NAV2: variants seen among roughly 807,000 people sequenced by gnomAD.
The protein encoded by NAV2 is neuron navigator 2.
Under a neutral mutation model 223.2 loss-of-function variants are expected in NAV2, and 54 were observed. The ratio of observed to expected loss-of-function variants is 0.24; its 90% CI spans 0.19 to 0.30. The LOEUF (loss-of-function observed/expected upper bound fraction) is 0.30. NAV2 is among the 10% of genes least tolerant of loss of function. NAV2 has a pLI of 1.00. For missense variants in NAV2, 2,806 were observed against 3,147.5 expected, an observed-to-expected ratio of 0.89 and a Z score of 2.60; for synonymous variants, 1,279 against 1,239.3, an observed-to-expected ratio of 1.03 and a Z score of -0.67.
chr11:19,615,916 G>T (rs1279727857), intron 1 of NAV2, among the ~76,000 whole-genome samples: 1 of 152,146 alleles, frequency 6.6e-6, no homozygotes, highest in African/African-American at 2.4e-5. Flanking sequence ...CTGTTGGGGG[G>T]ATCCTGACCT....
intron 32 of NAV2, 111 bp from the exon 33 acceptor site, chr11:20,103,144 G>A (rs887812653): frequency 1.9e-6 from 2 of 1,029,208 alleles, no homozygotes; most frequent in African/African-American, 3.2e-5. Context: ...GCAGAATCAT[G>A]AAGGGCCTTT....
chr11:19,459,409 C>T (rs1852075407), intron 1 of NAV2, among the ~76,000 whole-genome samples: 1 of 152,214 alleles, frequency 6.6e-6, no homozygotes, highest in Non-Finnish European at 1.5e-5. Flanking sequence ...CTGGGATTAG[C>T]TCTGAGTGGA....
rs781430628 is a variant in NAV2, at chr11:20,103,341, C to T, written c.6504C>T (p.Asp2168=). Residue 2168 remains aspartate, a synonymous_variant, in exon 33 of 38, where the codon GAC becomes GAT. Coordinates refer to ENST00000349880, the MANE Select transcript of NAV2 (RefSeq NM_145117.5). ...AVDMPLVIIL[D]NLHHVSSLGE... The stretch of plus-strand genomic sequence containing the variant: ...ACATGCCCCTCGTCATCATCCTGGA[C>T]AACCTACACCACGTGAGCTCTCTGG... The T allele has an allele frequency of 2.5e-6, 4 of 1,614,200 alleles. No homozygotes were observed. In the Admixed American group the frequency reaches 5.0e-5, roughly 20 times the overall value.
chr11:19,906,410 G>A (rs1463193955), intron 6 of NAV2, among the ~76,000 whole-genome samples: 5 of 152,140 alleles, frequency 3.3e-5, no homozygotes, highest in South Asian at 2.1e-4. Flanking sequence ...ATTGCAAAGC[G>A]TACATGGCAC....
intron 1 of NAV2, among the ~76,000 whole-genome samples, chr11:19,616,840 G>A (rs1320390957): frequency 1.3e-5 from 2 of 152,020 alleles, no homozygotes; most frequent in African/African-American, 4.8e-5. Flanking sequence ...AGGCTGAGGG[G>A]TTAGCATAGA....
At chr11:19,939,864 G>A (rs535807468) in intron 8 of NAV2, 91 bp downstream of exon 8, 18 of 783,088 alleles carry the variant, frequency 2.3e-5, no homozygotes, top group South Asian at 3.8e-5. Context: ...GCTTGATTAC[G>A]AGTTGCATTA....
chr11:19,488,047 G>A (rs1371498350), intron 1 of NAV2, among the ~76,000 whole-genome samples: 2 of 152,180 alleles, frequency 1.3e-5, no homozygotes, highest in African/African-American at 4.8e-5. Flanking sequence ...TAGGAAGTAC[G>A]TTCCCCACCT....
At chr11:19,424,565 TTTC>T (rs1564926243) in intron 1 of NAV2, among the ~76,000 whole-genome samples, 2 of 152,210 alleles carry the variant, frequency 1.3e-5, no homozygotes, top group African/African-American at 4.8e-5. Context: ...TGTTTGTTTG[TTTC>T]GAGACGGAGT....
intron 1 of NAV2, among the ~76,000 whole-genome samples, chr11:19,735,737 A>C (rs1247902360): frequency 2.6e-5 from 4 of 152,172 alleles, no homozygotes; most frequent in Non-Finnish European, 5.9e-5. Context: ...AGCCCAAGGG[A>C]CCAGAGCCAT....
At chr11:19,975,297 G>A (rs535068814) in intron 10 of NAV2, among the ~76,000 whole-genome samples, 11 of 152,152 alleles carry the variant, frequency 7.2e-5, no homozygotes, top group Admixed American at 2.6e-4. Context: ...TCAAACAAGC[G>A]TAGCCATGGA....
chr11:19,621,827 A>G (rs1292851990), intron 1 of NAV2, among the ~76,000 whole-genome samples: 1 of 151,878 alleles, frequency 6.6e-6, no homozygotes, highest in East Asian at 1.9e-4. Flanking sequence ...TTGCTTCTCT[A>G]GTTCTTTTCA....
At chr11:19,895,390 G>A (rs906077930) in intron 6 of NAV2, among the ~76,000 whole-genome samples, 1 of 151,936 alleles carries the variant, frequency 6.6e-6, no homozygotes, top group African/African-American at 2.4e-5. Flanking sequence ...TTTTCAGTAT[G>A]GTACCTGATC....
At chr11:19,841,979 G>A (rs1301853150) in intron 2 of NAV2, among the ~76,000 whole-genome samples, 2 of 152,228 alleles carry the variant, frequency 1.3e-5, no homozygotes, top group East Asian at 1.9e-4. Context: ...CAAAGAGGTC[G>A]AGTGACATGC....
intron 1 of NAV2, among the ~76,000 whole-genome samples, chr11:19,742,024 T>TG (rs1490101266): frequency 2.6e-5 from 4 of 151,882 alleles, no homozygotes; most frequent in Admixed American, 1.3e-4. Context: ...TTGACTTTTT[T>TG]TGGATGATAG....
intron 8 of NAV2, among the ~76,000 whole-genome samples, chr11:19,944,406 C>A (rs1446155289): frequency 6.6e-6 from 1 of 152,098 alleles, no homozygotes; most frequent in Non-Finnish European, 1.5e-5. Context: ...TGTCTGTTTT[C>A]TTTCCTTTTC....
At chr11:19,486,250 G>T (rs1227844952) in intron 1 of NAV2, among the ~76,000 whole-genome samples, 3 of 152,146 alleles carry the variant, frequency 2.0e-5, no homozygotes, top group Non-Finnish European at 2.9e-5. Flanking sequence ...GGTCTTAGGT[G>T]CATCCATTTA....
At chr11:19,460,845 G>T (rs188154055) in intron 1 of NAV2, among the ~76,000 whole-genome samples, 221 of 152,238 alleles carry the variant, frequency 1.5e-3, no homozygotes, top group Non-Finnish European at 2.0e-3. Context: ...GATAAGTAAA[G>T]ATCTCATCTG....
chr11:19,454,310 G>C (rs1851888193), intron 1 of NAV2, among the ~76,000 whole-genome samples: 1 of 152,186 alleles, frequency 6.6e-6, no homozygotes. Context: ...AGGGTTGGGG[G>C]CCACAGTCAG....
chr11:19,634,026 T>A (rs77050036), intron 1 of NAV2, among the ~76,000 whole-genome samples: 4,169 of 152,354 alleles, frequency 0.027, 196 homozygotes, highest in African/African-American at 0.096. Context: ...GTTCCTTCCT[T>A]CTGTCACACT....
Sources: allele counts gnomAD v4.1 joint callset (sites outside exome capture counted in the v4.1 genomes callset), GRCh38; gene constraint gnomAD v4.1.1; transcripts MANE v1.5; gene names NCBI Gene and HGNC (gene_info 2026-07-23, HGNC 2026-07-21).